Variants in KISS1 observed in about 807,000 individuals in gnomAD.
The protein encoded by KISS1 is metastasis-suppressor KiSS-1.
For synonymous variants in KISS1, 97 were observed against 88.7 expected (o/e 1.09, Z -0.52); for missense variants, 182 against 182.7 (o/e 1.00, Z 0.02).
In KISS1 at chr1:204,192,426, C is replaced by A. The variant is rs1006766957; in HGVS notation, c.103+348G>T. Among the ~76,000 whole-genome samples, 1 of 149,500 alleles carries A rather than the reference C, an allele frequency of 6.7e-6. No homozygotes were observed. The highest frequency in any genetic ancestry group is 2.0e-4 in the East Asian group (1 of 5,044). On this transcript the variant is annotated intron_variant, in intron 2 of 2. Transcript: ENST00000367194. The surrounding 1 kb of genome is among the most constrained non-coding windows in gnomAD (Gnocchi z 4.2). ...TTTTTCCAAATTCTCCACAAAGAAT[C>A]TGAGGTCACCGATAAAGCAAGGTTG... is the stretch of plus-strand genomic sequence containing the variant.
chr1:204,193,806 C>A (rs1282341882), intron 1 of KISS1, among the ~76,000 whole-genome samples: 1 of 152,140 alleles, frequency 6.6e-6, no homozygotes, highest in Non-Finnish European at 1.5e-5. Context: ...GCCCCACCGA[C>A]ACCCCACATA....
chr1:204,195,341 C>CACACCACACACAT (rs1658833206), intron 1 of KISS1, among the ~76,000 whole-genome samples: 1 of 5,256 alleles, frequency 1.9e-4, no homozygotes, highest in Non-Finnish European at 4.9e-4. Flanking sequence ...ACCACACACG[C>CACACCACACACAT]ATACACACCA....
At chr1:204,190,970 G>T (rs554211849) in intron 2 of KISS1, among the ~76,000 whole-genome samples, 173 bp from the exon 3 acceptor site, 5 of 152,266 alleles carry the variant, frequency 3.3e-5, no homozygotes, top group Admixed American at 6.5e-5. Context: ...GGCCCTAGGC[G>T]CCTCCCTCTT....
intron 1 of KISS1, among the ~76,000 whole-genome samples, chr1:204,195,273 T>TGC (rs1558254719): frequency 0.028 from 137 of 4,844 alleles, no homozygotes; most frequent in South Asian, 0.045. Context: ...CACACACACA[T>TGC]ACACCACACA....
chr1:204,195,855 G>A (rs1658849766), intron 1 of KISS1, among the ~76,000 whole-genome samples: 1 of 152,162 alleles, frequency 6.6e-6, no homozygotes, highest in Non-Finnish European at 1.5e-5. Context: ...CAATTTTTGT[G>A]GTTCCCTCCA....
In KISS1 at chr1:204,190,409, T is replaced by TTGTCCCCCCCCCCCCCCCC; in HGVS notation, c.*74_*75insGGGGGGGGGGGGGGGGACA. 1 of 570,142 alleles carries TTGTCCCCCCCCCCCCCCCC rather than the reference T, an allele frequency of 1.8e-6. No individual in the cohort carries two copies. Among genetic ancestry groups the TTGTCCCCCCCCCCCCCCCC allele is most frequent in the South Asian group, 1.6e-5 (1 of 62,526 alleles). 35.3% of individuals were successfully genotyped at this position (570,142 alleles called of 1,614,324 possible). On this transcript the variant is annotated 3_prime_UTR_variant, in exon 3 of 3. Coordinates refer to ENST00000367194, the MANE Select transcript of KISS1 (RefSeq NM_002256.4). ...CAGCGCCCCCTCCCTTAGCCCTACG[T>TTGTCCCCCCCCCCCCCCCC]CCCCGCCCCCCGCCCCCGCCCCGCA...
intron 2 of KISS1, among the ~76,000 whole-genome samples, chr1:204,191,613 C>T (rs1170841003): frequency 6.6e-6 from 1 of 152,194 alleles, no homozygotes; most frequent in Non-Finnish European, 1.5e-5. Flanking sequence ...GGAAATGAGG[C>T]CTGGTGTGTG....
chr1:204,195,275 C>T (rs1390734191), intron 1 of KISS1, among the ~76,000 whole-genome samples: 5 of 2,484 alleles, frequency 2.0e-3, no homozygotes, highest in Admixed American at 4.8e-3. Flanking sequence ...CACACACATA[C>T]ACCACACACA....
At chr1:204,195,093 C>A (rs1658811940) in intron 1 of KISS1, among the ~76,000 whole-genome samples, 1 of 148,290 alleles carries the variant, frequency 6.7e-6, no homozygotes, top group Non-Finnish European at 1.5e-5. Flanking sequence ...GTGGATGGCA[C>A]TTACCATGTG....
At chr1:204,195,212 CGCACACACCCATACACAT>C (rs1658818681) in intron 1 of KISS1, among the ~76,000 whole-genome samples, 1 of 1,608 alleles carries the variant, frequency 6.2e-4, no homozygotes, top group South Asian at 0.026. Flanking sequence ...CACATATATA[CGCACACACCCATACACAT>C]ATACACGCAT....
Position 204,190,468 on chromosome 1 carries a change from C to G in KISS1, c.*16G>C. 6.5e-7 allele frequency: 1 copy of G among 1,534,468 alleles called. No homozygotes were observed. The highest frequency in any genetic ancestry group is 8.8e-7 in the Non-Finnish European group (1 of 1,138,260). Reference sequence around the variant, plus strand: ...CTCCTTTGGGGTCTGAAGTTCACTGCCCCGCACCTGCGCCCTCAGCCCCGC... The same window carrying G: ...CTCCTTTGGGGTCTGAAGTTCACTGGCCCGCACCTGCGCCCTCAGCCCCGC... On this transcript the variant is annotated 3_prime_UTR_variant, in exon 3 of 3. Coordinates refer to ENST00000367194, the MANE Select transcript of KISS1 (RefSeq NM_002256.4).
At position 204,190,362 on chromosome 1, in the gene KISS1, T is replaced by C; in HGVS notation, c.*122A>G. 9.6e-7 allele frequency: 1 copy of C among 1,044,654 alleles called. No individual in the cohort carries two copies. Among genetic ancestry groups the C allele is most frequent in the Non-Finnish European group, 1.4e-6 (1 of 701,668 alleles). The allele number at this position is 1,044,654 out of a possible 1,614,324, so 64.7% of individuals were successfully genotyped here. Reference sequence around the variant, plus strand: ...TCAGTGAGTTACGCAACATTTCTTTTATTGCCTCGGGTTGGAAGCTCCAGC... The same window carrying C: ...TCAGTGAGTTACGCAACATTTCTTTCATTGCCTCGGGTTGGAAGCTCCAGC... On this transcript the variant is annotated 3_prime_UTR_variant, in exon 3 of 3. Transcript: ENST00000367194.
rs1278260518 is a variant in KISS1, at chr1:204,195,389, TGCACACACACCACACAC to T, written c.-39+970_-39+986del. Among the ~76,000 whole-genome samples the T allele has an allele frequency of 5.1e-5, 6 of 116,774 alleles. No homozygotes were observed. The South Asian group carries it at 1.2e-3, about 23-fold the overall frequency. The allele number at this position is 116,774 out of a possible 152,430, so 76.6% of individuals were successfully genotyped here. ...CACATACACCTATACACACACATCA[TGCACACACACCACACAC>T]GCACACACACCACACACACATATAC... On this transcript the variant is annotated intron_variant, in intron 1 of 2. Transcript: ENST00000367194.
chr1:204,195,715 TCACACACACACACACACACACACA>T (rs36226771), intron 1 of KISS1, among the ~76,000 whole-genome samples: 1 of 144,824 alleles, frequency 6.9e-6, no homozygotes, highest in Non-Finnish European at 1.5e-5. Flanking sequence ...TACACACATA[TCACACACACACACACACACACACA>T]CACACACACA....
Position 204,190,424 on chromosome 1 carries a change from C to CCCCCCCCCCCCCCCCT in KISS1, c.*59_*60insAGGGGGGGGGGGGGGG. On this transcript the variant is annotated 3_prime_UTR_variant, in exon 3 of 3. Transcript: ENST00000367194. ...TAGCCCTACGTCCCCGCCCCCCGCC[C>CCCCCCCCCCCCCCCCT]CCGCCCCGCATGCTCTGACTCCTTT... 1.2e-6 allele frequency: 1 copy of CCCCCCCCCCCCCCCCT among 836,736 alleles called. No individual in the cohort carries two copies. 51.8% of individuals were successfully genotyped at this position (836,736 alleles called of 1,614,324 possible).
chr1:204,190,429 C>CCCCCCCCCCCCCCCCCCCCCCCT lies in KISS1; in HGVS notation c.*54_*55insAGGGGGGGGGGGGGGGGGGGGGG. On this transcript the variant is annotated 3_prime_UTR_variant, in exon 3 of 3. Transcript: ENST00000367194. ...CTACGTCCCCGCCCCCCGCCCCCGC[C>CCCCCCCCCCCCCCCCCCCCCCCT]CCGCATGCTCTGACTCCTTTGGGGT... 1.0e-6 allele frequency: 1 copy of CCCCCCCCCCCCCCCCCCCCCCCT among 998,576 alleles called. No homozygotes were observed. The highest frequency in any genetic ancestry group is 1.5e-6 in the Non-Finnish European group (1 of 661,876). The allele number at this position is 998,576 out of a possible 1,614,324, so 61.9% of individuals were successfully genotyped here.
chr1:204,195,209 ATACG>A (rs1313811227), intron 1 of KISS1, among the ~76,000 whole-genome samples: 8 of 9,120 alleles, frequency 8.8e-4, no homozygotes, highest in East Asian at 3.1e-3. Flanking sequence ...ACACACATAT[ATACG>A]CACACACCCA....
chr1:204,195,151 C>CACACACACCACACATGCACA (rs1658813636), intron 1 of KISS1, among the ~76,000 whole-genome samples: 2 of 4,024 alleles, frequency 5.0e-4, no homozygotes, highest in Non-Finnish European at 1.3e-3. Flanking sequence ...CACACACCCC[C>CACACACACCACACATGCACA]CACACCACAC....
chr1:204,193,408 C>T (rs1453470163), intron 1 of KISS1, among the ~76,000 whole-genome samples: 2 of 152,206 alleles, frequency 1.3e-5, no homozygotes, highest in East Asian at 3.9e-4. Context: ...ACAGGCACTT[C>T]TTCCTTCCAT....
Sources: allele counts gnomAD v4.1 joint callset (sites outside exome capture counted in the v4.1 genomes callset), GRCh38; gene constraint gnomAD v4.1.1; non-coding constraint Gnocchi (gnomAD v3.1); transcripts MANE v1.5; gene names NCBI Gene and HGNC (gene_info 2026-07-23, HGNC 2026-07-21).